The following ROBO2 variants were observed in gnomAD, a reference collection of about 807,000 sequenced individuals.
ROBO2 encodes roundabout guidance receptor 2, also known as roundabout homolog 2.
Under a neutral mutation model 160.8 loss-of-function variants are expected in ROBO2, and 53 were observed. The ratio of observed to expected loss-of-function variants is 0.33; its 90% CI spans 0.26 to 0.41. The LOEUF (loss-of-function observed/expected upper bound fraction) is 0.41. Ranked by LOEUF, ROBO2 falls within the 10% of genes least tolerant of loss-of-function variation. The pLI is 1.00. For missense variants in ROBO2, 1,577 were observed against 1,722.4 expected, an observed-to-expected ratio of 0.92 and a Z score of 1.49; for synonymous variants, 664 against 611.7, an observed-to-expected ratio of 1.09 and a Z score of -1.26.
At chr3:76,361,062 A>AT (rs58793735) in intron 2 of ROBO2, among the ~76,000 whole-genome samples, 1 of 151,950 alleles carries the variant, frequency 6.6e-6, no homozygotes, top group Non-Finnish European at 1.5e-5. Context: ...TCTATTAGTA[A>AT]TTTTTTTCAT....
chr3:77,219,585 C>G (rs2085507460), intron 2 of ROBO2, among the ~76,000 whole-genome samples: 1 of 148,346 alleles, frequency 6.7e-6, no homozygotes, highest in Admixed American at 6.8e-5. Flanking sequence ...GACTGAGACA[C>G]TAAAGATTTG....
At chr3:76,329,776 C>T (rs1332063196) in intron 2 of ROBO2, among the ~76,000 whole-genome samples, 1 of 152,166 alleles carries the variant, frequency 6.6e-6, no homozygotes, top group East Asian at 1.9e-4. Flanking sequence ...TCAAGTTAAA[C>T]ATGTATTCCA....
intron 17 of ROBO2, among the ~76,000 whole-genome samples, chr3:77,593,019 C>A (rs6548518): frequency 0.03 from 4,518 of 152,158 alleles, 215 homozygotes; most frequent in African/African-American, 0.1. Flanking sequence ...ATTGCTCTGG[C>A]AGTAACAGAA....
chr3:76,472,757 C>T (rs1370396356), intron 2 of ROBO2, among the ~76,000 whole-genome samples: 1 of 152,088 alleles, frequency 6.6e-6, no homozygotes, highest in African/African-American at 2.4e-5. Context: ...GCTTGAAAGG[C>T]ATCAGATTAA....
At chr3:77,294,404 A>G (rs1409190245) in intron 2 of ROBO2, among the ~76,000 whole-genome samples, 1 of 140,806 alleles carries the variant, frequency 7.1e-6, no homozygotes, top group Non-Finnish European at 1.5e-5. Flanking sequence ...GACATAAAGT[A>G]AAATTAATGG....
intron 2 of ROBO2, among the ~76,000 whole-genome samples, chr3:76,606,630 T>C (rs2087679418): frequency 6.6e-6 from 1 of 152,160 alleles, no homozygotes; most frequent in Non-Finnish European, 1.5e-5. Flanking sequence ...TACAGTAATA[T>C]TAACTTATTC....
At chr3:76,917,191 C>T (rs1046111882) in intron 2 of ROBO2, among the ~76,000 whole-genome samples, 3 of 152,092 alleles carry the variant, frequency 2.0e-5, no homozygotes, top group African/African-American at 7.2e-5. Flanking sequence ...TTATGTTCTA[C>T]GTATGGCAAT....
intron 2 of ROBO2, among the ~76,000 whole-genome samples, chr3:77,347,336 A>G (rs2067769591): frequency 6.6e-6 from 1 of 152,092 alleles, no homozygotes; most frequent in African/African-American, 2.4e-5. Context: ...GACCTGAAAT[A>G]TTATAATATA....
chr3:77,471,686 A>G (rs542947740), intron 2 of ROBO2, among the ~76,000 whole-genome samples: 9 of 152,242 alleles, frequency 5.9e-5, no homozygotes, highest in African/African-American at 2.2e-4. Flanking sequence ...CATATTTACT[A>G]TGCACACATG....
At chr3:76,244,653 A>G (rs2107528252) in intron 2 of ROBO2, among the ~76,000 whole-genome samples, 1 of 152,310 alleles carries the variant, frequency 6.6e-6, no homozygotes, top group Non-Finnish European at 1.5e-5. Context: ...GCAGAATAAC[A>G]CATTAGAAGA....
chr3:76,813,912 T>G (rs1344547696), intron 2 of ROBO2, among the ~76,000 whole-genome samples: 7 of 152,176 alleles, frequency 4.6e-5, no homozygotes, highest in African/African-American at 1.7e-4. Context: ...TATAAAGCTT[T>G]AATATAATAA....
At chr3:75,946,033 T>G (rs905154117) in intron 2 of ROBO2, among the ~76,000 whole-genome samples, 1 of 152,108 alleles carries the variant, frequency 6.6e-6, no homozygotes, top group Admixed American at 6.6e-5. Context: ...TTTTGGTTTG[T>G]TTTGTTTCCT....
intron 2 of ROBO2, among the ~76,000 whole-genome samples, chr3:76,223,394 T>G (rs1704097421): frequency 6.6e-6 from 1 of 151,068 alleles, no homozygotes; most frequent in Admixed American, 6.6e-5. Flanking sequence ...GGTAGGGGGG[T>G]AGGGAGGCCA....
At chr3:76,510,289 G>T (rs2107740318) in intron 2 of ROBO2, among the ~76,000 whole-genome samples, 1 of 152,286 alleles carries the variant, frequency 6.6e-6, no homozygotes, top group South Asian at 2.1e-4. Flanking sequence ...ACAAAATCAG[G>T]CTGCTGGAGA....
At chr3:76,358,146 C>T (rs908414732) in intron 2 of ROBO2, among the ~76,000 whole-genome samples, 14 of 151,886 alleles carry the variant, frequency 9.2e-5, no homozygotes, top group East Asian at 5.8e-4. Context: ...AAATAAACTA[C>T]GTTTATAAGC....
At chr3:77,504,416 CAA>C (rs60117495) in intron 5 of ROBO2, among the ~76,000 whole-genome samples, 1 of 142,658 alleles carries the variant, frequency 7.0e-6, no homozygotes. Flanking sequence ...CAGTGCTTCT[CAA>C]AAAAAAAAAA....
At chr3:76,974,335 A>G (rs1248101769) in intron 2 of ROBO2, among the ~76,000 whole-genome samples, 2 of 152,042 alleles carry the variant, frequency 1.3e-5, no homozygotes, top group Non-Finnish European at 2.9e-5. Context: ...TTAAAACTTG[A>G]TATTCTATTA....
At chr3:76,119,916 C>CCCTT (rs551169822) in intron 2 of ROBO2, among the ~76,000 whole-genome samples, 9,712 of 87,804 alleles carry the variant, frequency 0.11, 579 homozygotes, top group Non-Finnish European at 0.12. Flanking sequence ...TTCCCTCCCT[C>CCCTT]CCTTCCTTCC....
At chr3:77,013,818 A>G (rs900639393) in intron 2 of ROBO2, among the ~76,000 whole-genome samples, 2 of 152,250 alleles carry the variant, frequency 1.3e-5, no homozygotes, top group South Asian at 2.1e-4. Context: ...AACCTACAAC[A>G]GTTCCTATCA....
Sources: allele counts gnomAD v4.1 joint callset (sites outside exome capture counted in the v4.1 genomes callset), GRCh38; gene constraint gnomAD v4.1.1; transcripts MANE v1.5; gene names NCBI Gene and HGNC (gene_info 2026-07-23, HGNC 2026-07-21).